Variants in PUDP observed in about 807,000 individuals in gnomAD.
PUDP encodes the protein pseudouridine-5'-phosphatase.
A neutral mutation model predicts 9.4 loss-of-function variants in PUDP; 8 were observed. That is an observed-to-expected ratio of 0.85 (90% confidence interval 0.50 to 1.53). PUDP has a LOEUF of 1.53. Ranked by LOEUF, PUDP falls within the 40% of genes most tolerant of loss-of-function variation. PUDP has a pLI of 0.00. For synonymous variants in PUDP, 99 were observed against 80.7 expected, an observed-to-expected ratio of 1.23 and a Z score of -1.22; for missense variants, 188 against 189.7, an observed-to-expected ratio of 0.99 and a Z score of 0.05.
chrX:6,810,784 G>T (rs1224988479), intron 3 of PUDP, among the ~76,000 whole-genome samples: 1 of 111,568 alleles, frequency 9.0e-6, no homozygotes, highest in Non-Finnish European at 1.9e-5. Flanking sequence ...CAGCTACCAG[G>T]TGAAGCTCAA....
In PUDP at chrX:6,896,783, T is replaced by G. The variant is rs939136476; in HGVS notation, c.*247+80350A>C. ...ACATGGAGATGTAGACTTTTCTGTC[T>G]CCGGGCTGTTCCGGCCTTTGCTTCT... On this transcript the variant is annotated intron_variant and NMD_transcript_variant, in intron 3 of 3. Transcript: ENST00000655425. 2.7e-5 allele frequency among the ~76,000 whole-genome samples: 3 copies of G among 111,930 alleles called. No individual in the cohort carries two copies. In the East Asian group the frequency reaches 8.4e-4, roughly 31 times the overall value.
chrX:6,798,690 T>A (rs192227981), intron 3 of PUDP, among the ~76,000 whole-genome samples: 355 of 112,367 alleles, frequency 3.2e-3, no homozygotes, highest in Non-Finnish European at 5.2e-3. Context: ...TTGTGTCCAC[T>A]AGTAGAATAA....
intron 3 of PUDP, among the ~76,000 whole-genome samples, chrX:6,926,922 CTTTT>C (rs61299123): frequency 1.0e-4 from 7 of 66,855 alleles, no homozygotes; most frequent in Non-Finnish European, 2.7e-5. Context: ...GAGACAATTC[CTTTT>C]TTTTTTTTTT....
chrX:6,940,663 G>A (rs1928385462), intron 3 of PUDP, among the ~76,000 whole-genome samples: 1 of 111,301 alleles, frequency 9.0e-6, no homozygotes, highest in Non-Finnish European at 1.9e-5. Flanking sequence ...AGTACCTGCT[G>A]GGAGCCATCT....
chrX:6,876,870 CATAT>C (rs1326454766), intron 3 of PUDP, among the ~76,000 whole-genome samples: 1 of 108,485 alleles, frequency 9.2e-6, no homozygotes, highest in African/African-American at 3.5e-5. Flanking sequence ...TATACACACA[CATAT>C]AAATATAGAC....
upstream of PUDP, among the ~76,000 whole-genome samples, chrX:6,725,723 A>C (rs1427586038): frequency 8.9e-6 from 1 of 111,953 alleles, no homozygotes; most frequent in Admixed American, 9.5e-5. Context: ...ATATTATCTT[A>C]CTCCTGCAAG....
intron 1 of PUDP, among the ~76,000 whole-genome samples, chrX:6,988,402 T>G (rs886507342): frequency 2.1e-4 from 23 of 112,022 alleles, no homozygotes; most frequent in African/African-American, 6.8e-4. Context: ...AGAGTTTTCA[T>G]TTCTGTAACC....
At chrX:7,058,390 A>T (rs1930307171) in intron 3 of PUDP, among the ~76,000 whole-genome samples, 1 of 112,248 alleles carries the variant, frequency 8.9e-6, no homozygotes, top group Non-Finnish European at 1.9e-5. Context: ...CAGAAAGTAC[A>T]GCAGCTGCTC....
intron 3 of PUDP, among the ~76,000 whole-genome samples, chrX:6,805,729 G>A (rs778737044): frequency 1.8e-5 from 2 of 108,843 alleles, no homozygotes; most frequent in Admixed American, 2.0e-4. Context: ...TGTTGCCCAG[G>A]CTGGTCTCAA....
At position 7,009,228 on chromosome X, in the gene PUDP, A is replaced by T. The variant is rs192934985; in HGVS notation, c.205-30885T>A. On this transcript the variant is annotated intron_variant and NMD_transcript_variant, in intron 1 of 3. Transcript: ENST00000655425. ...AGTTGCCTTCTAGAGAACTTTCTTTAGTTGGTATATTCTTCCTATGAATCA... is the reference window on the plus strand; with the variant it reads ...AGTTGCCTTCTAGAGAACTTTCTTTTGTTGGTATATTCTTCCTATGAATCA... Among the ~76,000 whole-genome samples, 156 of 112,471 alleles carry T rather than the reference A, an allele frequency of 1.4e-3. 1 individual carries two copies. Among genetic ancestry groups the T allele is most frequent in the African/African-American group, 4.8e-3 (149 of 30,983 alleles).
intron 3 of PUDP, among the ~76,000 whole-genome samples, chrX:6,931,227 T>G (rs1202725144): frequency 8.9e-6 from 1 of 112,463 alleles, no homozygotes; most frequent in East Asian, 2.8e-4. Flanking sequence ...TTTATTGATT[T>G]GGAAGATTCT....
At chrX:6,922,979 A>G (rs1388731281) in intron 3 of PUDP, among the ~76,000 whole-genome samples, 1 of 111,875 alleles carries the variant, frequency 8.9e-6, no homozygotes, top group Non-Finnish European at 1.9e-5. Context: ...TTTCTTTTCT[A>G]CCATTTGTCC....
intron 3 of PUDP, among the ~76,000 whole-genome samples, chrX:6,859,531 A>T (rs1443038284): frequency 9.0e-6 from 1 of 111,456 alleles, no homozygotes; most frequent in Admixed American, 9.5e-5. Flanking sequence ...GTACTGTGCT[A>T]AGATTTAGGC....
chrX:7,115,735 C>T lies in PUDP; in HGVS notation c.62-9897G>A, dbSNP rs1932174944. Among the ~76,000 whole-genome samples, 4 of 112,615 alleles carry T rather than the reference C, an allele frequency of 3.6e-5. No homozygotes were observed. The Admixed American group carries it at 3.7e-4, about 11-fold the overall frequency. Reference sequence around the variant, plus strand: ...GGCAACAGCTGTTTCACATTGCTCTCTATGCTCCTGGCACACAGCACAGAG... The same window carrying T: ...GGCAACAGCTGTTTCACATTGCTCTTTATGCTCCTGGCACACAGCACAGAG... On this transcript the variant is annotated intron_variant, in intron 1 of 3. Transcript: ENST00000381077.
intron 2 of PUDP, among the ~76,000 whole-genome samples, chrX:7,082,541 C>T (rs1225306091): frequency 3.6e-5 from 4 of 112,108 alleles, no homozygotes; most frequent in Admixed American, 9.4e-5. Context: ...CGCTGTGTGC[C>T]GAGAACCATG....
chrX:6,899,732 C>A (rs993472753), intron 3 of PUDP, among the ~76,000 whole-genome samples: 11 of 110,178 alleles, frequency 1.0e-4, no homozygotes, highest in Admixed American at 9.7e-4. Context: ...TAACCATGTA[C>A]GATAATTTTG....
intron 1 of PUDP, among the ~76,000 whole-genome samples, chrX:7,141,746 T>C (rs1569171326): frequency 8.9e-6 from 1 of 112,614 alleles, no homozygotes; most frequent in Non-Finnish European, 1.9e-5. Context: ...CTTGAAAGCT[T>C]TAAAGGACAG....
intron 3 of PUDP, among the ~76,000 whole-genome samples, chrX:6,930,538 A>G (rs1331537800): frequency 9.0e-6 from 1 of 111,692 alleles, no homozygotes; most frequent in Non-Finnish European, 1.9e-5. Context: ...AGGAACTCTC[A>G]GTTCTGGGAA....
At chrX:6,802,966 T>TA in intron 3 of PUDP, among the ~76,000 whole-genome samples, 4 of 4,351 alleles carry the variant, frequency 9.2e-4, no homozygotes, top group Non-Finnish European at 1.5e-3. Context: ...TAAAATAAAA[T>TA]AAAATAAAAA....
Sources: allele counts gnomAD v4.1 joint callset (sites outside exome capture counted in the v4.1 genomes callset), GRCh38; gene constraint gnomAD v4.1.1; transcripts MANE v1.5; gene names NCBI Gene and HGNC (gene_info 2026-07-23, HGNC 2026-07-21).